The following ACOT7 variants were observed in gnomAD, a reference collection of about 807,000 sequenced individuals.
ACOT7 encodes acyl-CoA thioesterase 7.
ACOT7 carries 12 observed loss-of-function variants against 40.2 expected under a neutral mutation model. The observed-to-expected ratio is 0.30, with a 90% confidence interval of 0.19 to 0.48. ACOT7 has a LOEUF of 0.48. Ranked by LOEUF, ACOT7 falls within the 20% of genes least tolerant of loss-of-function variation. ACOT7 has a pLI of 0.99. For missense variants in ACOT7, 395 were observed against 530.8 expected (o/e 0.74, Z 2.51); for synonymous variants, 228 against 219.5 (o/e 1.04, Z -0.34).
At chr1:6,276,358 A>G (rs555047639) in intron 8 of ACOT7, among the ~76,000 whole-genome samples, 1 of 152,068 alleles carries the variant, frequency 6.6e-6, no homozygotes, top group Non-Finnish European at 1.5e-5. Flanking sequence ...CCTTCGGCCC[A>G]AGGTCAGAGG....
At position 6,371,427 on chromosome 1, in the gene ACOT7, A is replaced by G. The variant is rs1483755290; in HGVS notation, c.144-21561T>C. Among the ~76,000 whole-genome samples the G allele has an allele frequency of 2.6e-5, 4 of 151,096 alleles. No individual in the cohort carries two copies. The East Asian group carries it at 5.9e-4, about 22-fold the overall frequency. On this transcript the variant is annotated intron_variant, in intron 1 of 8. Transcript: ENST00000361521. The stretch of plus-strand genomic sequence containing the variant: ...AGGCTGGAGTGCTGTGGCAGGTGCA[A>G]TCTTGGCTCACTGCAACCTCTACTT...
In ACOT7 at chr1:6,335,159, C is replaced by T. The variant is rs1489294023; in HGVS notation, c.419-1591G>A. On this transcript the variant is annotated intron_variant, in intron 3 of 8. Coordinates refer to ENST00000361521, the MANE Select transcript of ACOT7 (RefSeq NM_007274.4). ...CAGCCTGACCAACATGGAGAAACCC[C>T]GTCTCTACTAAAAATACAAAAATTA... is the stretch of plus-strand genomic sequence containing the variant. 4.6e-5 allele frequency among the ~76,000 whole-genome samples: 7 copies of T among 151,990 alleles called. 1 individual carries two copies. Among genetic ancestry groups the T allele is most frequent in the South Asian group, 4.1e-4 (2 of 4,822 alleles).
At chr1:6,351,050 CT>C (rs1011074095) in intron 1 of ACOT7, among the ~76,000 whole-genome samples, 13 of 152,320 alleles carry the variant, frequency 8.5e-5, no homozygotes, top group Middle Eastern at 3.4e-3. Context: ...GAATTTTTCC[CT>C]TTTTGGTAAG....
chr1:6,356,695 G>T (rs1339703592), intron 1 of ACOT7, among the ~76,000 whole-genome samples: 1 of 151,916 alleles, frequency 6.6e-6, no homozygotes, highest in Non-Finnish European at 1.5e-5. Context: ...GAGGCGGGCG[G>T]ATCATGAGGT....
At position 6,381,241 on chromosome 1, in the gene ACOT7, G is replaced by A. The variant is rs546058159; in HGVS notation, c.143+12016C>T. Among the ~76,000 whole-genome samples the A allele has an allele frequency of 7.2e-5, 11 of 151,866 alleles. No homozygotes were observed. In the South Asian group the frequency reaches 1.0e-3, roughly 14 times the overall value. On this transcript the variant is annotated intron_variant, in intron 1 of 8. Transcript: ENST00000361521. Reference sequence around the variant, plus strand: ...TACTTATATAGATACACAAGGATATGTATATAACATGCACATAATATATAC... The same window carrying A: ...TACTTATATAGATACACAAGGATATATATATAACATGCACATAATATATAC...
At chr1:6,345,528 G>A (rs1641395607) in intron 2 of ACOT7, among the ~76,000 whole-genome samples, 1 of 152,228 alleles carries the variant, frequency 6.6e-6, no homozygotes, top group Non-Finnish European at 1.5e-5. Context: ...TAACGAATGG[G>A]AAGAACTCGG....
intron 1 of ACOT7, among the ~76,000 whole-genome samples, chr1:6,373,925 C>T (rs1642178796): frequency 6.6e-6 from 1 of 151,650 alleles, no homozygotes; most frequent in African/African-American, 2.4e-5. Flanking sequence ...CTGTCTGTAC[C>T]TAGGTCAAAA....
chr1:6,313,122 G>A (rs1025478617), intron 6 of ACOT7, among the ~76,000 whole-genome samples: 9 of 152,192 alleles, frequency 5.9e-5, no homozygotes, highest in South Asian at 2.1e-4. Flanking sequence ...CAGCATAATC[G>A]CCTGCGGCTG....
intron 1 of ACOT7, among the ~76,000 whole-genome samples, chr1:6,390,982 G>A (rs1339482996): frequency 6.6e-6 from 1 of 151,702 alleles, no homozygotes; most frequent in African/African-American, 2.4e-5. Context: ...CTGTATGGAA[G>A]TGTCTAAAGC....
rs560126350 is a variant in ACOT7 at position 6,275,695 on chromosome 1, C to T, written c.1014+5407G>A. On this transcript the variant is annotated intron_variant, in intron 8 of 8. Transcript: ENST00000361521. This position sits in a 1 kb window ranked among gnomAD's most constrained non-coding sequence, Gnocchi z 5.6. ...TCCAGCCATTGCACTCCAGGTTGGG[C>T]GACAGAGTGAGGCTCCGTCTCAAAA... Among the ~76,000 whole-genome samples the T allele has an allele frequency of 1.2e-3, 155 of 128,566 alleles. 1 individual carries two copies. Among genetic ancestry groups the T allele is most frequent in the African/African-American group, 4.4e-3 (145 of 32,898 alleles). 84.3% of individuals were successfully genotyped at this position (128,566 alleles called of 152,430 possible).
intron 6 of ACOT7, among the ~76,000 whole-genome samples, chr1:6,314,427 A>G (rs12087652): frequency 0.19 from 29,591 of 151,974 alleles, 6,093 homozygotes; most frequent in African/African-American, 0.52. Context: ...CAAGGAAAAA[A>G]CTAAGATGGC....
chr1:6,302,131 G>A (rs1042502835), intron 6 of ACOT7, among the ~76,000 whole-genome samples: 2 of 152,160 alleles, frequency 1.3e-5, no homozygotes, highest in African/African-American at 4.8e-5. Flanking sequence ...ACTCACGAGC[G>A]GTGGGAAATC....
At chr1:6,364,064 A>C (rs1429466174) in intron 1 of ACOT7, among the ~76,000 whole-genome samples, 1 of 152,142 alleles carries the variant, frequency 6.6e-6, no homozygotes, top group Non-Finnish European at 1.5e-5. Flanking sequence ...ACCTTGTCTC[A>C]AAAAAGGCTA....
At chr1:6,383,904 C>T (rs996482891) in intron 1 of ACOT7, among the ~76,000 whole-genome samples, 6 of 151,574 alleles carry the variant, frequency 4.0e-5, no homozygotes, top group Admixed American at 6.6e-5. Flanking sequence ...TGGGGTTTCC[C>T]TGTGTTAGCT....
chr1:6,335,099 G>A (rs947556481), intron 3 of ACOT7, among the ~76,000 whole-genome samples: 6 of 152,230 alleles, frequency 3.9e-5, no homozygotes, highest in African/African-American at 1.4e-4. Context: ...GGGAGGCCGA[G>A]GCAGGCGGAT....
chr1:6,385,361 A>G, intron 1 of ACOT7: 1 of 1,142,260 alleles, frequency 8.8e-7, no homozygotes. Context: ...CCAGCAAAAC[A>G]CACAGCTCAT....
At chr1:6,308,844 C>T (rs958118210) in intron 6 of ACOT7, among the ~76,000 whole-genome samples, 4 of 122,160 alleles carry the variant, frequency 3.3e-5, no homozygotes, top group Non-Finnish European at 5.3e-5. Context: ...GAACAGCGAC[C>T]GGACAGAGGG....
intron 2 of ACOT7, among the ~76,000 whole-genome samples, chr1:6,342,300 A>ACCATCCCAAAGG (rs1553160354): frequency 6.6e-6 from 1 of 151,580 alleles, no homozygotes; most frequent in African/African-American, 2.4e-5. Context: ...CCACCCCCAT[A>ACCATCCCAAAGG]CCCTCGTCAC....
In ACOT7 at chr1:6,358,785, T is replaced by C; in HGVS notation, c.144-8919A>G. 6.3e-7 allele frequency: 1 copy of C among 1,591,096 alleles called. No individual in the cohort carries two copies. Among genetic ancestry groups the C allele is most frequent in the Non-Finnish European group, 8.6e-7 (1 of 1,159,226 alleles). ...ATGTCCCTAAACAATCCACCCACAG[T>C]GGCCCCTGCACGGCCTAGACATGCC... On this transcript the variant is annotated intron_variant, in intron 1 of 8. Transcript: ENST00000361521. This position sits in a 1 kb window ranked among gnomAD's most constrained non-coding sequence, Gnocchi z 4.1.
Sources: gnomAD v4.1 joint callset for allele counts (sites outside exome capture counted in the v4.1 genomes callset) on GRCh38, gnomAD v4.1.1 for gene constraint, Gnocchi (gnomAD v3.1) non-coding constraint, MANE v1.5 for transcripts, NCBI Gene and HGNC (gene_info 2026-07-23, HGNC 2026-07-21) for gene names.